EHBP1: variants seen among roughly 807,000 people sequenced by gnomAD.
EHBP1 encodes EH domain-binding protein 1.
In EHBP1, 55 loss-of-function variants were observed where a neutral mutation model predicts 144.0. That is an observed-to-expected ratio of 0.38 (90% CI 0.31 to 0.48). The LOEUF (loss-of-function observed/expected upper bound fraction) is 0.48, where lower values mean the gene tolerates loss of function less well. Ranked by LOEUF, EHBP1 falls within the 20% of genes least tolerant of loss-of-function variation. The pLI, the probability that EHBP1 is intolerant of heterozygous loss-of-function variation, is 0.98. For missense variants in EHBP1, 1,200 were observed against 1,364.2 expected, an observed-to-expected ratio of 0.88 and a Z score of 1.90; for synonymous variants, 469 against 472.7, an observed-to-expected ratio of 0.99 and a Z score of 0.10.
intron 19 of EHBP1, 131 bp downstream of exon 19, chr2:62,996,897 G>A (rs1457435539): frequency 9.2e-6 from 12 of 1,300,584 alleles, no homozygotes; most frequent in Admixed American, 2.8e-5. Flanking sequence ...AAAAGGCTGC[G>A]ATTTGCAGCC....
chr2:62,957,979 T>C (rs1020116243), intron 14 of EHBP1, among the ~76,000 whole-genome samples: 3 of 152,134 alleles, frequency 2.0e-5, no homozygotes, highest in Non-Finnish European at 2.9e-5. Context: ...AAGAAATATC[T>C]TTAGTCTCAT....
At chr2:63,032,566 CAAAAAA>C (rs35237077) in intron 19 of EHBP1, among the ~76,000 whole-genome samples, 20 of 28,292 alleles carry the variant, frequency 7.1e-4, no homozygotes, top group South Asian at 1.3e-3. Flanking sequence ...GACTCTGTCT[CAAAAAA>C]AAAAAAAAAA....
chr2:62,972,400 C>G lies in EHBP1; in HGVS notation c.2461-6788C>G, dbSNP rs1359385417. On this transcript the variant is annotated intron_variant, in intron 14 of 22. Transcript: ENST00000431489. ...AAGAAAAAATGCATAGATTTTATTGCTATCTATTCTTTCAATATTATTGCA... is the reference window on the plus strand; with the variant it reads ...AAGAAAAAATGCATAGATTTTATTGGTATCTATTCTTTCAATATTATTGCA... 2.0e-5 allele frequency among the ~76,000 whole-genome samples: 3 copies of G among 152,196 alleles called. No individual in the cohort carries two copies. In the East Asian group the frequency reaches 5.8e-4, roughly 29 times the overall value.
At chr2:62,752,561 C>G (rs2039851529) in intron 3 of EHBP1, among the ~76,000 whole-genome samples, 1 of 152,042 alleles carries the variant, frequency 6.6e-6, no homozygotes, top group Admixed American at 6.6e-5. Context: ...GTTGATCTGT[C>G]TAATGTTGAC....
chr2:62,864,809 T>C lies in EHBP1; in HGVS notation c.836T>C (p.Val279Ala), dbSNP rs1329670818. The C allele has an allele frequency of 1.9e-6, 3 of 1,613,826 alleles. No individual in the cohort carries two copies. In the East Asian group the frequency reaches 6.7e-5, roughly 36 times the overall value. Reference sequence around the variant, plus strand: ...AACAGCTATAATCCCTTTAAAGAGGTGCAGACTCCACAGTATTTGAACCCA... The same window carrying C: ...AACAGCTATAATCCCTTTAAAGAGGCGCAGACTCCACAGTATTTGAACCCA... Reference protein sequence around the residue: ...YNNSYNPFKEVQTPQYLNPFD... With the variant: ...YNNSYNPFKEAQTPQYLNPFD... Residue 279 changes from valine (V) to alanine (A), a missense_variant, in exon 9 of 23, where the codon GTG becomes GCG. Physicochemically the swap from Val to Ala is moderately conservative, Grantham distance 64 (BLOSUM62 0). This residue lies in a region of EHBP1 where 266 missense variants were observed against 262.4 expected (regional missense o/e 1.01). Transcript: ENST00000431489.
chr2:62,926,812 T>C (rs933288769), intron 10 of EHBP1, among the ~76,000 whole-genome samples: 1 of 152,112 alleles, frequency 6.6e-6, no homozygotes, highest in African/African-American at 2.4e-5. Context: ...AGAACTACCA[T>C]ATGATCCAGC....
chr2:62,820,522 C>T (rs747438955), intron 5 of EHBP1, among the ~76,000 whole-genome samples: 4 of 151,374 alleles, frequency 2.6e-5, no homozygotes, highest in Non-Finnish European at 4.4e-5. Flanking sequence ...ACTCCCCATT[C>T]AACCCTTTCC....
intron 14 of EHBP1, chr2:62,955,874 A>G: frequency 2.5e-6 from 1 of 402,980 alleles, no homozygotes; most frequent in East Asian, 3.8e-5. Flanking sequence ...AGGAAAAGTA[A>G]GATCTGGGAA....
At chr2:62,837,706 C>A (rs2047401451) in intron 7 of EHBP1, among the ~76,000 whole-genome samples, 1 of 150,172 alleles carries the variant, frequency 6.7e-6, no homozygotes, top group East Asian at 2.0e-4. Flanking sequence ...TCTGATAAAA[C>A]AGACTTTAAA....
Position 62,700,006 on chromosome 2 carries a change from G to C in EHBP1, c.-295-6891G>C, listed in dbSNP as rs1293888833. On this transcript the variant is annotated intron_variant, in intron 1 of 22. Coordinates refer to the EHBP1 transcript ENST00000405015. ...GAATTAGTGCAATCTTAGGTTCAAT[G>C]TGCAAAGCTTCATTATGACTAACTT... is the stretch of plus-strand genomic sequence containing the variant. 2.0e-5 allele frequency among the ~76,000 whole-genome samples: 3 copies of C among 152,228 alleles called. No individual in the cohort carries two copies. The East Asian group carries it at 5.8e-4, about 29-fold the overall frequency.
chr2:63,003,879 T>G (rs1172582708), intron 19 of EHBP1, among the ~76,000 whole-genome samples: 2 of 152,118 alleles, frequency 1.3e-5, no homozygotes, highest in African/African-American at 4.8e-5. Flanking sequence ...TGTAAGGAGT[T>G]AAAATATTTA....
intron 10 of EHBP1, among the ~76,000 whole-genome samples, chr2:62,938,477 T>C (rs1159907101): frequency 6.6e-6 from 1 of 152,182 alleles, no homozygotes; most frequent in Admixed American, 6.5e-5. Context: ...AATTTGCAAG[T>C]TATTTGACTA....
At position 62,979,637 on chromosome 2, in the gene EHBP1, G is replaced by A. The variant is rs918491376; in HGVS notation, c.2608+302G>A. ...TGATTCCTCATTAATAGTATTAGGAGTATGTAAAATGTAATTGAATCCCTA... is the reference window on the plus strand; with the variant it reads ...TGATTCCTCATTAATAGTATTAGGAATATGTAAAATGTAATTGAATCCCTA... On this transcript the variant is annotated intron_variant, in intron 15 of 22. Coordinates refer to ENST00000431489, the MANE Select transcript of EHBP1 (RefSeq NM_001142616.3). Among the ~76,000 whole-genome samples the A allele has an allele frequency of 2.6e-5, 4 of 152,174 alleles. No individual in the cohort carries two copies. The South Asian group carries it at 8.3e-4, about 32-fold the overall frequency.
chr2:62,915,158 C>T (rs2054510955), intron 10 of EHBP1, among the ~76,000 whole-genome samples: 1 of 151,828 alleles, frequency 6.6e-6, no homozygotes, highest in Non-Finnish European at 1.5e-5. Flanking sequence ...ATTGGTATTA[C>T]CGTAAAAAAG....
chr2:62,729,607 TATA>T (rs1387420505), intron 2 of EHBP1, among the ~76,000 whole-genome samples: 62 of 132,114 alleles, frequency 4.7e-4, no homozygotes, highest in African/African-American at 1.1e-3. Flanking sequence ...TAATAATAAA[TATA>T]ATAATAAATA....
chr2:62,746,118 A>C (rs2039125308), intron 2 of EHBP1, among the ~76,000 whole-genome samples: 1 of 152,086 alleles, frequency 6.6e-6, no homozygotes, highest in African/African-American at 2.4e-5. Flanking sequence ...GGTAGCTTAC[A>C]TTTGTTGGCT....
At chr2:62,830,155 C>G (rs796354544) in intron 6 of EHBP1, among the ~76,000 whole-genome samples, 281 of 42,792 alleles carry the variant, frequency 6.6e-3, no homozygotes, top group African/African-American at 8.4e-3. Context: ...TATATATAGA[C>G]ACACACACAC....
At chr2:62,860,086 T>C (rs1221130920) in intron 8 of EHBP1, among the ~76,000 whole-genome samples, 4 of 152,250 alleles carry the variant, frequency 2.6e-5, no homozygotes, top group Admixed American at 6.5e-5. Context: ...CTCCTCTTCC[T>C]TTACCTTCTC....
intron 10 of EHBP1, among the ~76,000 whole-genome samples, chr2:62,941,465 A>G (rs1187672838): frequency 2.0e-5 from 3 of 152,108 alleles, no homozygotes; most frequent in Admixed American, 6.5e-5. Flanking sequence ...TGCTAGATTT[A>G]TGGTTGTTTA....
Sources: gnomAD v4.1 joint callset for allele counts (sites outside exome capture counted in the v4.1 genomes callset) on GRCh38, gnomAD v4.1.1 for gene constraint, gnomAD v4.1.1 regional missense constraint, MANE v1.5 for transcripts, NCBI Gene and HGNC (gene_info 2026-07-23, HGNC 2026-07-21) for gene names.